GRM7: variants seen among roughly 807,000 people sequenced by gnomAD.
GRM7 encodes glutamate metabotropic receptor 7, also known as metabotropic glutamate receptor 7.
Under a neutral mutation model 84.5 loss-of-function variants are expected in GRM7, and 35 were observed. The observed-to-expected ratio is 0.41, with a 90% CI of 0.32 to 0.55. The LOEUF (loss-of-function observed/expected upper bound fraction) is 0.55, where lower values mean the gene tolerates loss of function less well. GRM7 is among the 20% of genes least tolerant of loss of function. GRM7 has a pLI of 0.19. For missense variants in GRM7, 1,003 were observed against 1,194.6 expected, an observed-to-expected ratio of 0.84 and a Z score of 2.36; for synonymous variants, 487 against 455.1, an observed-to-expected ratio of 1.07 and a Z score of -0.89.
chr3:7,648,441 G>C (rs1336227017), intron 8 of GRM7, among the ~76,000 whole-genome samples: 1 of 152,024 alleles, frequency 6.6e-6, no homozygotes, highest in Non-Finnish European at 1.5e-5. Context: ...GAGGTCAGGA[G>C]TTCGAGACCA....
At chr3:7,102,301 TC>T (rs35674020) in intron 1 of GRM7, among the ~76,000 whole-genome samples, 49,761 of 151,530 alleles carry the variant, frequency 0.33, 10,650 homozygotes, top group African/African-American at 0.61. Flanking sequence ...ATGTATTTTT[TC>T]CCCTAGATGT....
At chr3:7,098,251 A>G (rs1027759763) in intron 1 of GRM7, among the ~76,000 whole-genome samples, 6 of 152,180 alleles carry the variant, frequency 3.9e-5, no homozygotes, top group African/African-American at 1.2e-4. Context: ...TGAATTAACC[A>G]TTTGAAATCC....
intron 9 of GRM7, among the ~76,000 whole-genome samples, chr3:7,704,124 C>G (rs1046085925): frequency 4.6e-5 from 7 of 152,044 alleles, no homozygotes; most frequent in African/African-American, 1.7e-4. Context: ...ACTGGGTAAA[C>G]TGGAGAGGAT....
At chr3:7,740,249 G>GT in intron 9 of GRM7, 108 bp from the exon 10 acceptor site, 1 of 710,764 alleles carries the variant, frequency 1.4e-6, no homozygotes, top group Non-Finnish European at 2.4e-6. Flanking sequence ...CTTCAGAGCT[G>GT]TATCACCTCA....
intron 7 of GRM7, among the ~76,000 whole-genome samples, chr3:7,465,913 C>G (rs1240308983): frequency 6.6e-6 from 1 of 152,054 alleles, no homozygotes; most frequent in Non-Finnish European, 1.5e-5. Flanking sequence ...GGTAAAATGT[C>G]TCATGTACCC....
At chr3:6,993,885 G>T (rs1255362072) in intron 1 of GRM7, among the ~76,000 whole-genome samples, 5 of 152,186 alleles carry the variant, frequency 3.3e-5, no homozygotes, top group Non-Finnish European at 7.3e-5. Flanking sequence ...AAGAAGGGAT[G>T]AATTCATTTT....
chr3:7,447,489 C>A (rs966110666), intron 5 of GRM7, among the ~76,000 whole-genome samples: 1 of 152,078 alleles, frequency 6.6e-6, no homozygotes, highest in Non-Finnish European at 1.5e-5. Flanking sequence ...ATGTATTACT[C>A]GGAAGACCAT....
At chr3:7,289,109 A>G (rs1020348762) in intron 2 of GRM7, among the ~76,000 whole-genome samples, 2 of 152,192 alleles carry the variant, frequency 1.3e-5, no homozygotes, top group African/African-American at 4.8e-5. Context: ...ACAGTGGGAC[A>G]TTTTTACAGA....
At chr3:6,969,799 G>C (rs1255470030) in intron 1 of GRM7, among the ~76,000 whole-genome samples, 1 of 152,128 alleles carries the variant, frequency 6.6e-6, no homozygotes, top group East Asian at 1.9e-4. Context: ...TTTGGTTAGG[G>C]GTACAGGGAA....
At position 7,452,474 on chromosome 3, in the gene GRM7, A is replaced by G. The variant is rs376700988; in HGVS notation, c.1175-133A>G. On this transcript the variant is annotated intron_variant, in intron 5 of 9. Transcript: ENST00000357716. ...CACGTGGTAGGCAAATGTGGCTTGAATTACTGTATTTATCGAAGCAGTGTT... is the reference window on the plus strand; with the variant it reads ...CACGTGGTAGGCAAATGTGGCTTGAGTTACTGTATTTATCGAAGCAGTGTT... 9 of 671,282 alleles carry G rather than the reference A, an allele frequency of 1.3e-5. No homozygotes were observed. The South Asian group carries it at 1.6e-4, about 12-fold the overall frequency. The allele number at this position is 671,282 out of a possible 1,614,324, so 41.6% of individuals were successfully genotyped here.
chr3:7,276,699 T>TGAAATA (rs1160771788), intron 2 of GRM7, among the ~76,000 whole-genome samples: 18 of 151,854 alleles, frequency 1.2e-4, no homozygotes, highest in Non-Finnish European at 2.2e-4. Context: ...TTCACCTAAG[T>TGAAATA]GAAATATAGC....
intron 2 of GRM7, among the ~76,000 whole-genome samples, chr3:7,229,757 A>ATTTTTTTTTT (rs1302605868): frequency 2.2e-4 from 6 of 26,872 alleles, no homozygotes; most frequent in Admixed American, 6.0e-4. Flanking sequence ...ATATATATAT[A>ATTTTTTTTTT]TATTTTTTTT....
intron 4 of GRM7, among the ~76,000 whole-genome samples, chr3:7,376,454 C>G (rs1694354764): frequency 6.6e-6 from 1 of 152,178 alleles, no homozygotes; most frequent in African/African-American, 2.4e-5. Flanking sequence ...GCTAGGAGAC[C>G]TGCTCCGTAG....
chr3:7,509,769 A>G (rs1197733964), intron 7 of GRM7, among the ~76,000 whole-genome samples: 2 of 152,146 alleles, frequency 1.3e-5, no homozygotes, highest in Non-Finnish European at 2.9e-5. Context: ...GCCAAGGCTT[A>G]TATTTTCAGC....
chr3:7,073,050 A>T (rs1697943454), intron 1 of GRM7, among the ~76,000 whole-genome samples: 1 of 152,186 alleles, frequency 6.6e-6, no homozygotes, highest in African/African-American at 2.4e-5. Context: ...TAACCTAGTG[A>T]AATGCGATGT....
At chr3:7,493,031 A>G (rs1699578286) in intron 7 of GRM7, among the ~76,000 whole-genome samples, 1 of 152,054 alleles carries the variant, frequency 6.6e-6, no homozygotes, top group Non-Finnish European at 1.5e-5. Context: ...TTGCTGTTCT[A>G]GAGCACTCTG....
At chr3:7,367,181 A>C (rs1230234573) in intron 4 of GRM7, among the ~76,000 whole-genome samples, 3 of 151,618 alleles carry the variant, frequency 2.0e-5, no homozygotes. Flanking sequence ...GAATCCTAAA[A>C]TCATCTAAAA....
chr3:7,720,008 G>A (rs556393526), intron 9 of GRM7, among the ~76,000 whole-genome samples: 2 of 152,196 alleles, frequency 1.3e-5, no homozygotes, highest in African/African-American at 4.8e-5. Context: ...TGGTGATGAT[G>A]GTCATAATAA....
chr3:7,549,494 T>C (rs975775250), intron 7 of GRM7, among the ~76,000 whole-genome samples: 45 of 152,292 alleles, frequency 3.0e-4, no homozygotes, highest in African/African-American at 1.1e-3. Context: ...TCTGAGCCTG[T>C]ATGTGGGGAG....
Sources: allele counts gnomAD v4.1 joint callset (sites outside exome capture counted in the v4.1 genomes callset), GRCh38; gene constraint gnomAD v4.1.1; transcripts MANE v1.5; gene names NCBI Gene and HGNC (gene_info 2026-07-23, HGNC 2026-07-21).